The following DDX60 variants were observed in gnomAD, a reference collection of about 807,000 sequenced individuals.
DDX60 encodes the protein probable ATP-dependent RNA helicase DDX60.
Under a neutral mutation model 212.8 loss-of-function variants are expected in DDX60, and 165 were observed. That is an observed-to-expected ratio of 0.78 (90% CI 0.68 to 0.88). The LOEUF is 0.88. DDX60 is among the 40% of genes least tolerant of loss of function. DDX60 has a pLI of 0.00. For missense variants in DDX60, 1,905 were observed against 2,003.9 expected (o/e 0.95, Z 0.94); for synonymous variants, 703 against 685.3 (o/e 1.03, Z -0.40).
intron 37 of DDX60, among the ~76,000 whole-genome samples, chr4:168,218,823 AG>A (rs1732942787): frequency 6.6e-6 from 1 of 152,086 alleles, no homozygotes; most frequent in African/African-American, 2.4e-5. Context: ...CCATAATTTA[AG>A]GCTTAGTCAA....
chr4:168,221,805 C>T lies in DDX60; in HGVS notation c.4901G>A (p.Arg1634Lys), dbSNP rs746275404. 1.2e-6 allele frequency: 2 copies of T among 1,613,256 alleles called. No individual in the cohort carries two copies. Among genetic ancestry groups the T allele is most frequent in the South Asian group, 1.1e-5 (1 of 90,988 alleles). Reference sequence around the variant, plus strand: ...TGCATAGGCATTAAGCGACATTTTCCTTCCTCGGTTATCAAATTTCTGTGA... The same window carrying T: ...TGCATAGGCATTAAGCGACATTTTCTTTCCTCGGTTATCAAATTTCTGTGA... The part of the protein sequence containing the change: ...LLSQKFDNRG[R>K]KMSLNAYALD... Residue 1634 changes from arginine (R) to lysine (K), a missense_variant, in exon 36 of 38, where the codon AGG becomes AAG. Transcript: ENST00000393743.
chr4:168,293,775 T>C lies in DDX60; in HGVS notation c.882+12A>G. On this transcript the variant is annotated intron_variant, in intron 7 of 37. Transcript: ENST00000393743. Reference sequence around the variant, plus strand: ...GAAATAGTATTTCTCAGTAAAGTTATAAAAACCACACCTGTTGGATCTCAG... The same window carrying C: ...GAAATAGTATTTCTCAGTAAAGTTACAAAAACCACACCTGTTGGATCTCAG... 2 of 1,584,484 alleles carry C rather than the reference T, an allele frequency of 1.3e-6. No individual in the cohort carries two copies. Among genetic ancestry groups the C allele is most frequent in the Non-Finnish European group, 1.7e-6 (2 of 1,169,504 alleles).
upstream of DDX60, among the ~76,000 whole-genome samples, chr4:168,323,419 G>A (rs972541387): frequency 3.9e-5 from 6 of 152,180 alleles, no homozygotes; most frequent in African/African-American, 1.2e-4. Context: ...TGACACCCAT[G>A]AGGGCATCTA....
intron 1 of DDX60, among the ~76,000 whole-genome samples, chr4:168,313,152 T>C (rs2149556217): frequency 6.6e-6 from 1 of 152,230 alleles, no homozygotes; most frequent in South Asian, 2.1e-4. Context: ...CATTAGAGAA[T>C]TGAGAGGGAG....
chr4:168,253,906 A>T (rs569727197), intron 26 of DDX60, among the ~76,000 whole-genome samples: 114 of 152,198 alleles, frequency 7.5e-4, no homozygotes, highest in East Asian at 2.9e-3. Flanking sequence ...GATTTTTTAA[A>T]TTTTTCTCTT....
chr4:168,241,999 C>G (rs765618289), intron 30 of DDX60, among the ~76,000 whole-genome samples: 1 of 152,124 alleles, frequency 6.6e-6, no homozygotes, highest in Non-Finnish European at 1.5e-5. Context: ...CAGCTGCTCC[C>G]GCTATGACTA....
chr4:168,235,696 G>C (rs890176620), intron 33 of DDX60, among the ~76,000 whole-genome samples: 3 of 151,990 alleles, frequency 2.0e-5, no homozygotes, highest in Admixed American at 2.0e-4. Context: ...AATAGTAATA[G>C]TATTTGATGT....
At chr4:168,282,618 T>C (rs748169312) in intron 13 of DDX60, among the ~76,000 whole-genome samples, 10 of 152,154 alleles carry the variant, frequency 6.6e-5, no homozygotes, top group Non-Finnish European at 1.2e-4. Flanking sequence ...GAGAGAAACT[T>C]TTTTGTGAAA....
intron 36 of DDX60, 119 bp downstream of exon 36, chr4:168,221,611 G>C: frequency 9.3e-7 from 1 of 1,070,988 alleles, no homozygotes; most frequent in Non-Finnish European, 1.3e-6. Context: ...AGTATGTTTA[G>C]TATGATTTAA....
At chr4:168,235,576 AT>A (rs2149495652) in intron 33 of DDX60, among the ~76,000 whole-genome samples, 1 of 152,212 alleles carries the variant, frequency 6.6e-6, no homozygotes, top group South Asian at 2.1e-4. Context: ...TTAATCCAGC[AT>A]TGTGGGATTA....
intron 6 of DDX60, among the ~76,000 whole-genome samples, chr4:168,298,535 G>T (rs1736507981): frequency 6.6e-6 from 1 of 152,198 alleles, no homozygotes; most frequent in Non-Finnish European, 1.5e-5. Flanking sequence ...AATCTATAAT[G>T]AAAAGATAAT....
chr4:168,282,728 C>A (rs1735647969), intron 13 of DDX60, among the ~76,000 whole-genome samples: 1 of 151,942 alleles, frequency 6.6e-6, no homozygotes, highest in Admixed American at 6.6e-5. Flanking sequence ...TTATGACCTG[C>A]CTCTAAAGTC....
At chr4:168,278,087 C>T (rs972181564) in intron 14 of DDX60, among the ~76,000 whole-genome samples, 11 of 152,068 alleles carry the variant, frequency 7.2e-5, no homozygotes, top group African/African-American at 2.4e-4. Context: ...TGGCCCCAAA[C>T]TGTAAAATAA....
chr4:168,288,394 T>A, intron 8 of DDX60, 79 bp from the exon 9 acceptor site: 6 of 980,708 alleles, frequency 6.1e-6, no homozygotes, highest in Non-Finnish European at 7.5e-6. Flanking sequence ...GCTTCTGAAC[T>A]GAAAGGCAGT....
At chr4:168,322,700 G>A (rs1281684793), upstream of DDX60, among the ~76,000 whole-genome samples, 2 of 152,150 alleles carry the variant, frequency 1.3e-5, no homozygotes, top group African/African-American at 2.4e-5. Flanking sequence ...CCACCCTAGG[G>A]GAAAGGGATG....
intron 26 of DDX60, among the ~76,000 whole-genome samples, chr4:168,253,355 C>T (rs1457678968): frequency 6.6e-6 from 1 of 152,146 alleles, no homozygotes. Context: ...ATTCTCCTTG[C>T]TCCACATTGC....
intron 10 of DDX60, among the ~76,000 whole-genome samples, chr4:168,286,423 G>GAAATAGATAGATAGATAGATAGAT (rs1735856727): frequency 7.3e-6 from 1 of 136,828 alleles, no homozygotes; most frequent in Admixed American, 8.0e-5. Flanking sequence ...CACACCACAC[G>GAAATAGATAGATAGATAGATAGAT]AGATAGATAG....
intron 13 of DDX60, among the ~76,000 whole-genome samples, chr4:168,281,141 G>C (rs1365689407): frequency 6.6e-6 from 1 of 152,058 alleles, no homozygotes; most frequent in Non-Finnish European, 1.5e-5. Context: ...CTCTGTCTCA[G>C]AAAAATAAAA....
At chr4:168,283,362 A>C in intron 13 of DDX60, 84 bp downstream of exon 13, 1 of 1,217,770 alleles carries the variant, frequency 8.2e-7, no homozygotes. Context: ...TTATATAAAA[A>C]GAAACCACCA....
Sources: allele counts gnomAD v4.1 joint callset (sites outside exome capture counted in the v4.1 genomes callset), GRCh38; gene constraint gnomAD v4.1.1; transcripts MANE v1.5; gene names NCBI Gene and HGNC (gene_info 2026-07-23, HGNC 2026-07-21).